PCYT1B: variants seen among roughly 807,000 people sequenced by gnomAD.
The protein encoded by PCYT1B is phosphate cytidylyltransferase 1B, choline.
A neutral mutation model predicts 26.4 loss-of-function variants in PCYT1B; 10 were observed. That is an observed-to-expected ratio of 0.38 (90% CI 0.23 to 0.64). The LOEUF (loss-of-function observed/expected upper bound fraction) is 0.64, where lower values mean the gene tolerates loss of function less well. PCYT1B is among the 30% of genes least tolerant of loss of function. PCYT1B has a pLI of 0.56. For synonymous variants in PCYT1B, 131 were observed against 108.4 expected (o/e 1.21, Z -1.29); for missense variants, 161 against 292.7 (o/e 0.55, Z 3.28).
chrX:24,620,498 C>T (rs958707207), intron 1 of PCYT1B, among the ~76,000 whole-genome samples: 3 of 112,207 alleles, frequency 2.7e-5, no homozygotes, highest in African/African-American at 9.7e-5. Flanking sequence ...GTTCACTATT[C>T]GTTCTTTTTC....
At chrX:24,608,267 G>A (rs962193447) in intron 2 of PCYT1B, among the ~76,000 whole-genome samples, 12 of 111,203 alleles carry the variant, frequency 1.1e-4, no homozygotes, top group African/African-American at 3.6e-4. Flanking sequence ...CCAAGTCCCT[G>A]TTCTCAAAGG....
chrX:24,654,127 G>T (rs1241004494), intron 1 of PCYT1B, among the ~76,000 whole-genome samples: 2 of 68,456 alleles, frequency 2.9e-5, no homozygotes, highest in Non-Finnish European at 5.2e-5. Flanking sequence ...TTTTGAGATG[G>T]AGTCTCACTC....
chrX:24,562,232 CCCT>C lies in PCYT1B; in HGVS notation c.*58_*60del. On this transcript the variant is annotated 3_prime_UTR_variant, in exon 8 of 8. Transcript: ENST00000379144. Reference sequence around the variant, plus strand: ...TACCCTTCAAACACCACCCAGGCAACCCTGTGACTCTCGCCCTCCTCCCCATCC... The same window carrying C: ...TACCCTTCAAACACCACCCAGGCAACGTGACTCTCGCCCTCCTCCCCATCC... The C allele has an allele frequency of 8.5e-7, 1 of 1,173,885 alleles. No individual in the cohort carries two copies. The highest frequency in any genetic ancestry group is 1.1e-6 in the Non-Finnish European group (1 of 875,300).
chrX:24,588,671 A>T (rs903118779), intron 4 of PCYT1B, among the ~76,000 whole-genome samples: 2 of 111,444 alleles, frequency 1.8e-5, no homozygotes, highest in African/African-American at 3.3e-5. Flanking sequence ...TCGGGACTGG[A>T]GAATTCTTTG....
upstream of PCYT1B, among the ~76,000 whole-genome samples, chrX:24,650,858 A>G (rs1380294061): frequency 8.9e-6 from 1 of 112,281 alleles, no homozygotes; most frequent in African/African-American, 3.2e-5. Context: ...GGCAAAAAAG[A>G]TACAACTTAC....
rs1286485052 is a variant in PCYT1B at position 24,560,631 on chromosome X, A to T, written c.*1662T>A. 9.0e-6 allele frequency: 1 copy of T among 111,571 alleles called. No homozygotes were observed. The highest frequency in any genetic ancestry group is 1.9e-5 in the Non-Finnish European group (1 of 53,024). 9.2% of individuals were successfully genotyped at this position (111,571 alleles called of 1,213,427 possible). On this transcript the variant is annotated 3_prime_UTR_variant, in exon 8 of 8. Transcript: ENST00000379144. Reference sequence around the variant, plus strand: ...GCAGACAGCACTCATCTCCAAGTGGATAGGGAGGTAGTTCAACCCCAACAA... The same window carrying T: ...GCAGACAGCACTCATCTCCAAGTGGTTAGGGAGGTAGTTCAACCCCAACAA...
chrX:24,665,580 C>T (rs1342288714), intron 1 of PCYT1B, among the ~76,000 whole-genome samples: 1 of 111,203 alleles, frequency 9.0e-6, no homozygotes, highest in Non-Finnish European at 1.9e-5. Flanking sequence ...CGTGAGCCAC[C>T]GCGCCTGGCC....
chrX:24,590,790 C>CT (rs1226692293), intron 3 of PCYT1B, among the ~76,000 whole-genome samples: 25,674 of 75,259 alleles, frequency 0.34, 4,593 homozygotes, highest in East Asian at 0.49. Context: ...TCACATCTCT[C>CT]TTTTTTTTTT....
intron 1 of PCYT1B, among the ~76,000 whole-genome samples, chrX:24,667,077 C>A (rs1002154122): frequency 8.2e-5 from 9 of 109,693 alleles, no homozygotes; most frequent in African/African-American, 2.3e-4. Context: ...AATCTAGGGT[C>A]TGCCAGGGAG....
intron 5 of PCYT1B, among the ~76,000 whole-genome samples, chrX:24,586,764 C>T (rs1924384737): frequency 9.0e-6 from 1 of 111,010 alleles, no homozygotes; most frequent in Non-Finnish European, 1.9e-5. Context: ...ACATATGGTA[C>T]CTGATAATAT....
At chrX:24,649,259 A>C (rs1926716092), upstream of PCYT1B, among the ~76,000 whole-genome samples, 1 of 111,790 alleles carries the variant, frequency 8.9e-6, no homozygotes, top group Non-Finnish European at 1.9e-5. Context: ...CGTGCAAATG[A>C]CATGGTTATT....
Position 24,629,577 on chromosome X carries a change from A to C in PCYT1B, c.118-10493T>G, listed in dbSNP as rs866822904. On this transcript the variant is annotated intron_variant, in intron 1 of 7. Transcript: ENST00000379144. ...CCTGTCTCAAAAAAAAAAAAAAAAA[A>C]AAAAAAAAAAAAACAACACGTATTT... is the stretch of plus-strand genomic sequence containing the variant. 2.5e-3 allele frequency among the ~76,000 whole-genome samples: 249 copies of C among 99,781 alleles called. 4 individuals are homozygous for C. Among genetic ancestry groups the C allele is most frequent in the African/African-American group, 8.3e-3 (234 of 28,225 alleles). 86.6% of individuals were successfully genotyped at this position (99,781 alleles called of 115,157 possible).
Position 24,647,276 on chromosome X carries a change from T to G in PCYT1B, c.-171A>C. 2.3e-5 allele frequency: 6 copies of G among 259,492 alleles called. No individual in the cohort carries two copies. Among genetic ancestry groups the G allele is most frequent in the Non-Finnish European group, 3.0e-5 (6 of 199,046 alleles). The allele number at this position is 259,492 out of a possible 1,213,427, so 21.4% of individuals were successfully genotyped here. ...AAGTAAAGAGGTTACCCCCCGCCCCTCTCTCTCTCTCTCTCTCCCAGAAGC... is the reference window on the plus strand; with the variant it reads ...AAGTAAAGAGGTTACCCCCCGCCCCGCTCTCTCTCTCTCTCTCCCAGAAGC... On this transcript the variant is annotated 5_prime_UTR_variant, in exon 1 of 8. Transcript: ENST00000379144.
intron 1 of PCYT1B, among the ~76,000 whole-genome samples, chrX:24,670,193 AG>A (rs1342403926): frequency 9.0e-6 from 1 of 111,397 alleles, no homozygotes; most frequent in Non-Finnish European, 1.9e-5. Flanking sequence ...CAGTATTTGA[AG>A]TAAGAGGAAT....
intron 1 of PCYT1B, among the ~76,000 whole-genome samples, chrX:24,671,677 C>T (rs1479705424): frequency 9.0e-6 from 1 of 111,317 alleles, no homozygotes; most frequent in African/African-American, 3.3e-5. Flanking sequence ...GTGAAACCAG[C>T]TTCACCGTTA....
intron 3 of PCYT1B, among the ~76,000 whole-genome samples, chrX:24,593,646 C>T (rs1924680214): frequency 9.2e-6 from 1 of 109,091 alleles, no homozygotes; most frequent in Admixed American, 1.0e-4. Context: ...CCTGCCTCAG[C>T]CTCCCGAGTA....
intron 1 of PCYT1B, among the ~76,000 whole-genome samples, chrX:24,635,574 T>TC (rs1926245017): frequency 8.9e-6 from 1 of 112,172 alleles, no homozygotes; most frequent in African/African-American, 3.2e-5. Flanking sequence ...GTGGATGATT[T>TC]CTTTAACAGA....
At chrX:24,622,578 T>C (rs921020064) in intron 1 of PCYT1B, among the ~76,000 whole-genome samples, 4 of 112,285 alleles carry the variant, frequency 3.6e-5, no homozygotes, top group Non-Finnish European at 7.5e-5. Flanking sequence ...CCTGATAACA[T>C]AAGGTAATAG....
At chrX:24,622,601 G>C (rs887762443) in intron 1 of PCYT1B, among the ~76,000 whole-genome samples, 4 of 112,323 alleles carry the variant, frequency 3.6e-5, no homozygotes, top group Non-Finnish European at 7.5e-5. Context: ...AAATCTTTGA[G>C]TACCTACTTA....
Sources: gnomAD v4.1 joint callset for allele counts (sites outside exome capture counted in the v4.1 genomes callset) on GRCh38, gnomAD v4.1.1 for gene constraint, MANE v1.5 for transcripts, NCBI Gene and HGNC (gene_info 2026-07-23, HGNC 2026-07-21) for gene names.